NUP37: variants seen among roughly 807,000 people sequenced by gnomAD.
NUP37 encodes the protein nucleoporin Nup37.
In NUP37, 33 loss-of-function variants were observed where a neutral mutation model predicts 45.4. The observed-to-expected ratio is 0.73, with a 90% CI of 0.55 to 0.97. The LOEUF is 0.97. Among genes scored for constraint, NUP37 ranks in the 50% least tolerant of loss-of-function variants. The pLI, the probability that NUP37 is intolerant of heterozygous loss-of-function variation, is 0.00. For synonymous variants in NUP37, 127 were observed against 130.7 expected (o/e 0.97, Z 0.19); for missense variants, 365 against 389.7 (o/e 0.94, Z 0.53).
intron 5 of NUP37, among the ~76,000 whole-genome samples, chr12:102,091,329 C>T (rs929902034): frequency 3.2e-5 from 4 of 125,330 alleles, no homozygotes; most frequent in Non-Finnish European, 3.2e-5. Flanking sequence ...ATCTGGGAGG[C>T]GGAGGTTGCA....
chr12:102,089,015 C>A (rs192719462), intron 5 of NUP37, among the ~76,000 whole-genome samples: 7 of 152,054 alleles, frequency 4.6e-5, no homozygotes, highest in Non-Finnish European at 8.8e-5. Context: ...TCAGAGAGCA[C>A]GGGGTTGGGG....
chr12:102,100,914 A>G (rs1879951172), intron 4 of NUP37, 118 bp downstream of exon 4: 1 of 595,562 alleles, frequency 1.7e-6, no homozygotes, highest in African/African-American at 2.0e-5. Flanking sequence ...ACTCTAAATT[A>G]TATACTTTAA....
At chr12:102,115,816 T>C (rs1880446169) in intron 2 of NUP37, 3 of 982,380 alleles carry the variant, frequency 3.1e-6, no homozygotes, top group Non-Finnish European at 3.6e-6. Flanking sequence ...TACTTAGTTT[T>C]CTCTCAAGAC....
At position 102,074,288 on chromosome 12, in the gene NUP37, T is replaced by C. The variant is rs997184570; in HGVS notation, c.*66A>G. 7 of 919,478 alleles carry C rather than the reference T, an allele frequency of 7.6e-6. No homozygotes were observed. The African/African-American group carries it at 1.2e-4, about 15-fold the overall frequency. The allele number at this position is 919,478 out of a possible 1,614,324, so 57.0% of individuals were successfully genotyped here. A position where few individuals can be genotyped will look rare whatever the true frequency, so the allele number is the denominator to read the frequency against. On this transcript the variant is annotated 3_prime_UTR_variant, in exon 10 of 10. Transcript: ENST00000552283. Reference sequence around the variant, plus strand: ...TATAAAAATTCTTCAAAATATGTACTATAGAAATTCTTCAAAATATGTACT... The same window carrying C: ...TATAAAAATTCTTCAAAATATGTACCATAGAAATTCTTCAAAATATGTACT...
intron 3 of NUP37, among the ~76,000 whole-genome samples, chr12:102,105,408 T>C (rs1358963936): frequency 6.6e-6 from 1 of 151,784 alleles, no homozygotes; most frequent in Non-Finnish European, 1.5e-5. Flanking sequence ...CGTGTGCCTG[T>C]AGTCCCAGCC....
At chr12:102,118,220 G>A (rs1880519595) in intron 2 of NUP37, 143 bp downstream of exon 2, 2 of 789,016 alleles carry the variant, frequency 2.5e-6, no homozygotes, top group African/African-American at 1.8e-5. Context: ...CATATAACTG[G>A]GAACATCTTT....
chr12:102,099,941 G>C (rs1302506853), intron 4 of NUP37, among the ~76,000 whole-genome samples: 2 of 151,674 alleles, frequency 1.3e-5, no homozygotes, highest in African/African-American at 4.8e-5. Flanking sequence ...TATTAAAGCA[G>C]TTCTATATAG....
At chr12:102,087,637 A>C (rs1052686175) in intron 5 of NUP37, among the ~76,000 whole-genome samples, 12 of 152,338 alleles carry the variant, frequency 7.9e-5, no homozygotes, top group African/African-American at 2.6e-4. Flanking sequence ...TCTGCAAAAT[A>C]AAGTGTTGGG....
At chr12:102,081,715 A>AT (rs879750457) in intron 6 of NUP37, among the ~76,000 whole-genome samples, 1,769 of 145,542 alleles carry the variant, frequency 0.012, 20 homozygotes, top group African/African-American at 0.038. Flanking sequence ...TCATTTAGCT[A>AT]TTTTTTTTTT....
Position 102,089,566 on chromosome 12 carries a change from G to A in NUP37, c.450-3710C>T, listed in dbSNP as rs181065851. 3.8e-4 allele frequency among the ~76,000 whole-genome samples: 56 copies of A among 145,546 alleles called. 2 individuals are homozygous for A. In the East Asian group the frequency reaches 1.0e-2, roughly 26 times the overall value. On this transcript the variant is annotated intron_variant, in intron 5 of 9. Coordinates refer to ENST00000552283, the MANE Select transcript of NUP37 (RefSeq NM_024057.4). ...GAGGCGCTCCTCACTTCCTAGACGG[G>A]GCAGCCGGGCAGAGGCACTCCTCAC...
intron 6 of NUP37, among the ~76,000 whole-genome samples, chr12:102,082,579 T>A (rs1006291469): frequency 2.6e-5 from 4 of 152,248 alleles, no homozygotes; most frequent in African/African-American, 9.6e-5. Context: ...TAAGATGAAG[T>A]GAAATCAGAG....
intron 5 of NUP37, among the ~76,000 whole-genome samples, chr12:102,089,868 G>A (rs1335447963): frequency 6.6e-6 from 1 of 152,158 alleles, no homozygotes; most frequent in African/African-American, 2.4e-5. Flanking sequence ...CAGACATTTA[G>A]GTTGTTTCCA....
chr12:102,105,751 C>T (rs914821010), intron 3 of NUP37, among the ~76,000 whole-genome samples: 1 of 150,984 alleles, frequency 6.6e-6, no homozygotes, highest in African/African-American at 2.4e-5. Flanking sequence ...ATCCCAGCTA[C>T]TCGGGAGGCT....
chr12:102,075,848 TA>T (rs1165908369), intron 8 of NUP37, among the ~76,000 whole-genome samples: 1 of 152,064 alleles, frequency 6.6e-6, no homozygotes, highest in Non-Finnish European at 1.5e-5. Flanking sequence ...CAATCTCCCA[TA>T]AAAGGAGAGG....
intron 3 of NUP37, among the ~76,000 whole-genome samples, chr12:102,104,259 T>C (rs1880058523): frequency 6.6e-6 from 1 of 152,216 alleles, no homozygotes; most frequent in African/African-American, 2.4e-5. Context: ...GCCATTCATA[T>C]ACCTTCTTTG....
intron 5 of NUP37, among the ~76,000 whole-genome samples, chr12:102,089,037 G>C (rs907019188): frequency 3.3e-5 from 5 of 152,126 alleles, no homozygotes; most frequent in African/African-American, 1.2e-4. Context: ...TAAGGTTATA[G>C]ATTAACAGCA....
intron 6 of NUP37, 83 bp downstream of exon 6, chr12:102,085,683 A>C (rs1879447816): frequency 1.6e-6 from 1 of 607,494 alleles, no homozygotes; most frequent in African/African-American, 1.9e-5. Context: ...AAAATCATTG[A>C]TCTTCCTCCT....
In NUP37 at chr12:102,076,854, G is replaced by T. The variant is rs58553320; in HGVS notation, c.723-7C>A. The T allele has an allele frequency of 0.025, 40,701 of 1,607,552 alleles. 671 individuals carry two copies. The highest frequency in any genetic ancestry group is 0.067 in the African/African-American group (5,047 of 74,832). ...TCTCTTATTTTGAGGATAACTAAAAGATAATATTTTGCATTTTATGAATTA... is the reference window on the plus strand; with the variant it reads ...TCTCTTATTTTGAGGATAACTAAAATATAATATTTTGCATTTTATGAATTA... On this transcript the variant is annotated splice_polypyrimidine_tract_variant and splice_region_variant and intron_variant, in intron 7 of 9. Transcript: ENST00000552283.
At chr12:102,096,834 C>A (rs17528833) in intron 5 of NUP37, among the ~76,000 whole-genome samples, 22,995 of 152,010 alleles carry the variant, frequency 0.15, 1,845 homozygotes, top group Non-Finnish European at 0.18. Context: ...AAAAATCTTA[C>A]CTATATTGCT....
Sources: allele counts gnomAD v4.1 joint callset (sites outside exome capture counted in the v4.1 genomes callset), GRCh38; gene constraint gnomAD v4.1.1; transcripts MANE v1.5; gene names NCBI Gene and HGNC (gene_info 2026-07-23, HGNC 2026-07-21).